ZNF654: variants seen among roughly 807,000 people sequenced by gnomAD.
The protein encoded by ZNF654 is melanoma-associated antigen.
A neutral mutation model predicts 95.3 loss-of-function variants in ZNF654; 19 were observed. That is an observed-to-expected ratio of 0.20 (90% CI 0.14 to 0.29). The LOEUF (loss-of-function observed/expected upper bound fraction) is 0.29. Among genes scored for constraint, ZNF654 ranks in the 10% least tolerant of loss-of-function variants. The pLI is 1.00. For missense variants in ZNF654, 1,046 were observed against 1,341.0 expected (o/e 0.78, Z 3.44); for synonymous variants, 413 against 457.9 (o/e 0.90, Z 1.25).
At chr3:88,136,631 G>A (rs569989180) in intron 7 of ZNF654, among the ~76,000 whole-genome samples, 1 of 152,258 alleles carries the variant, frequency 6.6e-6, no homozygotes, top group South Asian at 2.1e-4. Context: ...ACCATCTGGT[G>A]ACATTAAAGG....
intron 4 of ZNF654, among the ~76,000 whole-genome samples, chr3:88,128,374 T>C (rs922575914): frequency 2.0e-5 from 3 of 152,124 alleles, no homozygotes; most frequent in Admixed American, 2.0e-4. Context: ...CTATAATTAA[T>C]GTGAACTAAC....
At position 88,074,364 on chromosome 3, in the gene ZNF654, C is replaced by T. The variant is rs1306400626; in HGVS notation, c.187-11893C>T. 3.1e-4 allele frequency among the ~76,000 whole-genome samples: 37 copies of T among 119,634 alleles called. 2 individuals are homozygous for T. Among genetic ancestry groups the T allele is most frequent in the Non-Finnish European group, 3.5e-5 (2 of 57,902 alleles). 78.5% of individuals were successfully genotyped at this position (119,634 alleles called of 152,430 possible). A position where few individuals can be genotyped will look rare whatever the true frequency, so the allele number is the denominator to read the frequency against. ...TCTTACTTTTTTTTTTTTTTTGAGA[C>T]TGAGTCTTGCTTTATCGCCCAGGCT... On this transcript the variant is annotated intron_variant, in intron 1 of 8. Coordinates refer to ENST00000636215, the MANE Select transcript of ZNF654 (RefSeq NM_001350134.2).
intron 2 of ZNF654, among the ~76,000 whole-genome samples, chr3:88,094,095 G>A (rs1703907796): frequency 8.3e-6 from 1 of 120,948 alleles, no homozygotes; most frequent in African/African-American, 2.8e-5. Context: ...CTGAGGAAGA[G>A]ATAATATTCT....
intron 2 of ZNF654, chr3:88,095,768 C>CT (rs1170593216): frequency 4.9e-6 from 2 of 405,862 alleles, no homozygotes; most frequent in African/African-American, 2.2e-5. Context: ...TCATCTTAAA[C>CT]TTTTTTGTAA....
At chr3:88,088,921 C>T (rs1372890552) in intron 2 of ZNF654, among the ~76,000 whole-genome samples, 5 of 151,300 alleles carry the variant, frequency 3.3e-5, no homozygotes, top group Admixed American at 1.3e-4. Context: ...GACAGGCACC[C>T]GCCACCATGC....
intron 2 of ZNF654, among the ~76,000 whole-genome samples, chr3:88,099,277 A>T (rs544453148): frequency 2.0e-5 from 3 of 152,280 alleles, no homozygotes; most frequent in Admixed American, 2.0e-4. Flanking sequence ...CTTACAAGGG[A>T]TGTGAAGGAC....
intron 2 of ZNF654, among the ~76,000 whole-genome samples, chr3:88,090,330 A>G (rs1445497317): frequency 2.0e-5 from 3 of 152,204 alleles, no homozygotes; most frequent in Non-Finnish European, 2.9e-5. Flanking sequence ...GATTCTATGT[A>G]GAACTAGGCT....
intron 4 of ZNF654, 52 bp from the exon 5 acceptor site, chr3:88,128,755 GTT>G: frequency 3.1e-6 from 4 of 1,299,976 alleles, no homozygotes; most frequent in Non-Finnish European, 4.2e-6. Flanking sequence ...AAAGAACAAA[GTT>G]TGAGAGAATC....
At chr3:88,126,073 G>T (rs1706082649) in intron 3 of ZNF654, 61 bp from the exon 4 acceptor site, 1 of 1,367,390 alleles carries the variant, frequency 7.3e-7, no homozygotes, top group Non-Finnish European at 9.5e-7. Flanking sequence ...TGACAATGAT[G>T]ATCAAGTTTA....
At chr3:88,085,799 G>A (rs1708308607) in intron 1 of ZNF654, among the ~76,000 whole-genome samples, 1 of 152,054 alleles carries the variant, frequency 6.6e-6, no homozygotes, top group African/African-American at 2.4e-5. Context: ...TTCATAATCA[G>A]TATCATGTCA....
chr3:88,121,163 C>T (rs1403136803), intron 3 of ZNF654, among the ~76,000 whole-genome samples: 1 of 152,044 alleles, frequency 6.6e-6, no homozygotes, highest in Non-Finnish European at 1.5e-5. Flanking sequence ...CTTTCTGAAT[C>T]ATGATGCTCA....
chr3:88,075,518 T>C (rs1333996671), intron 1 of ZNF654, among the ~76,000 whole-genome samples: 3 of 152,240 alleles, frequency 2.0e-5, no homozygotes, highest in Non-Finnish European at 4.4e-5. Context: ...TCTGTGCTTT[T>C]AGGAGCCCAG....
intron 2 of ZNF654, among the ~76,000 whole-genome samples, chr3:88,091,284 G>A (rs1708618204): frequency 6.6e-6 from 1 of 152,096 alleles, no homozygotes; most frequent in Admixed American, 6.6e-5. Flanking sequence ...AACTGGCTAC[G>A]TAGACAAAAA....
Position 88,142,534 on chromosome 3 carries a change from T to A in ZNF654, c.*882T>A, listed in dbSNP as rs1040725131. On this transcript the variant is annotated 3_prime_UTR_variant, in exon 9 of 9. Coordinates refer to ENST00000636215, the MANE Select transcript of ZNF654 (RefSeq NM_001350134.2). ...AATGGTAAAAGCACACTGGGATACT[T>A]CTGTTTGTGTATATGTTGGGACATT... 1.2e-4 allele frequency: 19 copies of A among 152,296 alleles called. No individual in the cohort carries two copies. The highest frequency in any genetic ancestry group is 4.6e-4 in the African/African-American group (19 of 41,380). The allele number at this position is 152,296 out of a possible 1,614,324, so 9.4% of individuals were successfully genotyped here. A position where few individuals can be genotyped will look rare whatever the true frequency, so the allele number is the denominator to read the frequency against.
intron 1 of ZNF654, among the ~76,000 whole-genome samples, chr3:88,067,419 G>A (rs866170224): frequency 6.6e-6 from 1 of 152,194 alleles, no homozygotes; most frequent in African/African-American, 2.4e-5. Context: ...TATCATAGCC[G>A]TGTGGATGGT....
chr3:88,136,430 A>G (rs539961577), intron 7 of ZNF654, among the ~76,000 whole-genome samples: 2 of 152,316 alleles, frequency 1.3e-5, no homozygotes, highest in Admixed American at 1.3e-4. Context: ...AAATCATTCA[A>G]TTGCCTCAGT....
intron 4 of ZNF654, among the ~76,000 whole-genome samples, chr3:88,127,446 TA>T (rs71131550): frequency 1.4e-5 from 2 of 147,692 alleles, no homozygotes; most frequent in East Asian, 2.0e-4. Context: ...GAAAGGGAGT[TA>T]AAAAAAAAAC....
At chr3:88,136,972 A>C (rs1345349681) in intron 7 of ZNF654, among the ~76,000 whole-genome samples, 1 of 152,086 alleles carries the variant, frequency 6.6e-6, no homozygotes, top group Non-Finnish European at 1.5e-5. Flanking sequence ...AGGTGGGCAG[A>C]TCACTTGAGG....
chr3:88,124,969 ACTTT>A (rs1706002010), intron 3 of ZNF654, among the ~76,000 whole-genome samples: 2 of 152,142 alleles, frequency 1.3e-5, no homozygotes, highest in Admixed American at 6.5e-5. Context: ...TAATCCCAGC[ACTTT>A]GGGAGGCCGA....
Sources: allele counts gnomAD v4.1 joint callset (sites outside exome capture counted in the v4.1 genomes callset), GRCh38; gene constraint gnomAD v4.1.1; transcripts MANE v1.5; gene names NCBI Gene and HGNC (gene_info 2026-07-23, HGNC 2026-07-21).